USP32: variants seen among roughly 807,000 people sequenced by gnomAD.
USP32 encodes ubiquitin carboxyl-terminal hydrolase 32.
USP32 carries 59 observed loss-of-function variants against 204.8 expected under a neutral mutation model. The observed-to-expected ratio is 0.29, with a 90% CI of 0.23 to 0.36. USP32 has a LOEUF of 0.36. Ranked by LOEUF, USP32 falls within the 10% of genes least tolerant of loss-of-function variation. The probability of loss-of-function intolerance (pLI) is 1.00; values close to 1 mark genes in which losing one functional copy is unlikely to be tolerated. For synonymous variants in USP32, 517 were observed against 678.4 expected, an observed-to-expected ratio of 0.76 and a Z score of 3.70; for missense variants, 1,160 against 1,946.4, an observed-to-expected ratio of 0.60 and a Z score of 7.60.
intron 1 of USP32, among the ~76,000 whole-genome samples, chr17:60,419,839 ATTATTATTAT>A (rs2090094257): frequency 2.1e-5 from 3 of 144,808 alleles, no homozygotes; most frequent in African/African-American, 5.1e-5. Flanking sequence ...TATTATTATT[ATTATTATTAT>A]TATTATTATT....
At chr17:60,223,321 A>C (rs955342182) in intron 14 of USP32, 90 bp downstream of exon 14, 1 of 1,034,302 alleles carries the variant, frequency 9.7e-7, no homozygotes, top group African/African-American at 1.6e-5. Context: ...ATGAACCATC[A>C]ATGTTTTGCT....
In USP32 at chr17:60,245,556, G is replaced by C. The variant is rs8064897; in HGVS notation, c.1136+6825C>G. 4.2e-3 allele frequency: 1,299 copies of C among 308,730 alleles called. 18 individuals carry two copies. The highest frequency in any genetic ancestry group is 0.025 in the African/African-American group (1,120 of 44,426). The allele number at this position is 308,730 out of a possible 1,614,324, so 19.1% of individuals were successfully genotyped here. ...TCTGGGTTTCTGTCAGTTACACTTA[G>C]TTTTGACATATCAGTGTAACTGGTG... On this transcript the variant is annotated intron_variant, in intron 11 of 33. Coordinates refer to ENST00000300896, the MANE Select transcript of USP32 (RefSeq NM_032582.4).
intron 2 of USP32, among the ~76,000 whole-genome samples, chr17:60,314,128 CTTTTTTTTTT>C (rs35830572): frequency 7.6e-5 from 4 of 52,808 alleles, no homozygotes; most frequent in Non-Finnish European, 1.3e-4. Flanking sequence ...TATTGTGTGG[CTTTTTTTTTT>C]TTTTTTTTTT....
chr17:60,181,180 A>C, intron 32 of USP32, 144 bp downstream of exon 32: 1 of 1,138,650 alleles, frequency 8.8e-7, no homozygotes, highest in Non-Finnish European at 1.2e-6. Flanking sequence ...GGGCAGGCCA[A>C]GATTTCTGTG....
rs532547441 is a variant in USP32, at chr17:60,226,994, C to T, written c.1240-763G>A. On this transcript the variant is annotated intron_variant, in intron 12 of 33. Coordinates refer to ENST00000300896, the MANE Select transcript of USP32 (RefSeq NM_032582.4). The stretch of plus-strand genomic sequence containing the variant: ...GGGAGGTTGCAGTAAGCTGAGATTG[C>T]GCCACTGTACTCCAGCCTAGGCAAC... Among the ~76,000 whole-genome samples the T allele has an allele frequency of 3.6e-4, 51 of 142,256 alleles. No homozygotes were observed. In the South Asian group the frequency reaches 8.8e-3, roughly 25 times the overall value. 93.3% of individuals were successfully genotyped at this position (142,256 alleles called of 152,430 possible).
chr17:60,374,195 G>GA (rs1247457399), intron 1 of USP32, among the ~76,000 whole-genome samples: 1 of 151,236 alleles, frequency 6.6e-6, no homozygotes, highest in Non-Finnish European at 1.5e-5. Context: ...AAAAAAAAAA[G>GA]AAAAAAGACA....
intron 1 of USP32, among the ~76,000 whole-genome samples, chr17:60,367,699 T>C (rs1375029500): frequency 6.6e-6 from 1 of 152,080 alleles, no homozygotes; most frequent in East Asian, 1.9e-4. Context: ...TTATAGCTAC[T>C]TGGGAGGTTG....
chr17:60,288,416 G>C, intron 5 of USP32, 107 bp downstream of exon 5: 1 of 1,336,092 alleles, frequency 7.5e-7, no homozygotes, highest in Non-Finnish European at 1.0e-6. Flanking sequence ...CTCCAGCCTG[G>C]GACAGAATTT....
intron 1 of USP32, among the ~76,000 whole-genome samples, chr17:60,387,052 TAA>T (rs1056513807): frequency 3.3e-5 from 5 of 152,174 alleles, no homozygotes; most frequent in Admixed American, 3.3e-4. Flanking sequence ...TGGTGAATTT[TAA>T]AAATTCATAG....
intron 2 of USP32, among the ~76,000 whole-genome samples, chr17:60,321,672 A>G (rs952618192): frequency 2.0e-5 from 3 of 152,232 alleles, no homozygotes; most frequent in African/African-American, 7.2e-5. Context: ...AAACATAGTA[A>G]CAGAAAATAC....
At chr17:60,256,169 C>T (rs1026361091) in intron 9 of USP32, among the ~76,000 whole-genome samples, 1 of 148,928 alleles carries the variant, frequency 6.7e-6, no homozygotes, top group Admixed American at 6.6e-5. Context: ...AAGACACCAT[C>T]TCTTTGAAAA....
In USP32 at chr17:60,403,570, G is replaced by A. The variant is rs574880273; in HGVS notation, c.106+18676C>T. On this transcript the variant is annotated intron_variant, in intron 1 of 3. Coordinates refer to the USP32 transcript ENST00000588898. The stretch of plus-strand genomic sequence containing the variant: ...CTAGATCAGGTCCAGGGGGACTAAC[G>A]CTCCTCAGGTGTGGTTCCTCAAATA... Among the ~76,000 whole-genome samples the A allele has an allele frequency of 2.0e-4, 31 of 152,250 alleles. No homozygotes were observed. The East Asian group carries it at 5.6e-3, about 27-fold the overall frequency.
chr17:60,181,695 T>C lies in USP32; in HGVS notation c.4177A>G (p.Ser1393Gly). 1.9e-6 allele frequency: 3 copies of C among 1,611,522 alleles called. No individual in the cohort carries two copies. Among genetic ancestry groups the C allele is most frequent in the Admixed American group, 1.7e-5 (1 of 59,976 alleles). ...GTCCGTGGGCTGCTATTAGGGCTGC[T>C]GTTTTTGCTGGAGGGACAGCTGGTT... ...SGTSCPSSKNSSPNSSPRTLG... is the reference protein window; with the variant it reads ...SGTSCPSSKNGSPNSSPRTLG... Residue 1393 changes from serine to glycine, a missense_variant, in exon 32 of 34, where the codon AGC (serine) becomes GGC (glycine). Ser to Gly is a moderately conservative substitution (Grantham distance 56). Transcript: ENST00000300896.
At chr17:60,393,129 C>G (rs2089868357), upstream of USP32, among the ~76,000 whole-genome samples, 1 of 152,114 alleles carries the variant, frequency 6.6e-6, no homozygotes, top group Admixed American at 6.6e-5. Context: ...TCCCCAATCC[C>G]CCTCCCACTG....
intron 13 of USP32, among the ~76,000 whole-genome samples, chr17:60,225,244 G>C (rs1236480426): frequency 1.3e-5 from 2 of 151,938 alleles, no homozygotes; most frequent in Admixed American, 1.3e-4. Flanking sequence ...CTTGAGCCTG[G>C]GAGTTTGAGA....
Position 60,421,991 on chromosome 17 carries a change from A to G in USP32, c.106+255T>C, listed in dbSNP as rs145006662. The G allele has an allele frequency of 4.5e-4, 436 of 970,330 alleles. 3 individuals are homozygous for G. In the African/African-American group the frequency reaches 7.5e-3, roughly 17 times the overall value. 60.1% of individuals were successfully genotyped at this position (970,330 alleles called of 1,614,324 possible). ...CTGGCGGGGATCTTTATACACCCCC[A>G]AAACACACACATCCCACCCAGTACC... On this transcript the variant is annotated intron_variant, in intron 1 of 3. Transcript: ENST00000588898.
chr17:60,184,124 A>C (rs1187168318), intron 30 of USP32, among the ~76,000 whole-genome samples: 1 of 151,394 alleles, frequency 6.6e-6, no homozygotes, highest in East Asian at 1.9e-4. Flanking sequence ...ATCTCTACTA[A>C]AAATAAATAA....
intron 1 of USP32, among the ~76,000 whole-genome samples, chr17:60,411,324 AAAATAAATAAATAAATAAAT>A (rs112375424): frequency 3.6e-5 from 5 of 138,504 alleles, no homozygotes; most frequent in African/African-American, 1.5e-4. Context: ...AACTGTCTCA[AAAATAAATAAATAAATAAAT>A]AAATAAATAA....
At chr17:60,387,301 A>G (rs2089748435) in intron 1 of USP32, among the ~76,000 whole-genome samples, 1 of 152,238 alleles carries the variant, frequency 6.6e-6, no homozygotes, top group African/African-American at 2.4e-5. Flanking sequence ...CAAAATGAAA[A>G]GTACTGAATT....
Sources: gnomAD v4.1 joint callset for allele counts (sites outside exome capture counted in the v4.1 genomes callset) on GRCh38, gnomAD v4.1.1 for gene constraint, MANE v1.5 for transcripts, NCBI Gene and HGNC (gene_info 2026-07-23, HGNC 2026-07-21) for gene names.